The following TJP2 variants were observed in gnomAD, a reference collection of about 807,000 sequenced individuals.
TJP2 encodes the protein Friedreich ataxia region gene X104 (tight junction protein ZO-2).
In TJP2, 91 loss-of-function variants were observed where a neutral mutation model predicts 133.1. The observed-to-expected ratio is 0.68, with a 90% CI of 0.58 to 0.81. TJP2 has a LOEUF of 0.81. TJP2 is among the 40% of genes least tolerant of loss of function. TJP2 has a pLI of 0.00. For synonymous variants in TJP2, 592 were observed against 583.4 expected, an observed-to-expected ratio of 1.01 and a Z score of -0.21; for missense variants, 1,541 against 1,565.6, an observed-to-expected ratio of 0.98 and a Z score of 0.26.
At chr9:69,121,944 G>C (rs1303653279) in intron 1 of TJP2, 1 of 152,482 alleles carries the variant, frequency 6.6e-6, no homozygotes, top group Non-Finnish European at 1.5e-5. Flanking sequence ...TAAACGGGTT[G>C]ACATCCCCTA....
chr9:69,173,063 C>CATCT (rs1824776405), upstream of TJP2, among the ~76,000 whole-genome samples: 1 of 152,190 alleles, frequency 6.6e-6, no homozygotes, highest in African/African-American at 2.4e-5. Context: ...TCTGGAGAGG[C>CATCT]ATCTACTGGA....
intron 2 of TJP2, among the ~76,000 whole-genome samples, chr9:69,161,615 G>A (rs899410267): frequency 6.6e-6 from 1 of 151,974 alleles, no homozygotes; most frequent in Admixed American, 6.6e-5. Context: ...GATCAATTTA[G>A]GAATGACATA....
rs1403810631 is a variant in TJP2 at position 69,237,913 on chromosome 9, A to T, written c.2215A>T (p.Ile739Leu). The T allele has an allele frequency of 2.5e-6, 4 of 1,613,880 alleles. No homozygotes were observed. Among genetic ancestry groups the T allele is most frequent in the Admixed American group, 1.7e-5 (1 of 59,998 alleles). Residue 739 changes from isoleucine (I) to leucine (L), a missense_variant, in exon 15 of 23, where the codon ATA (isoleucine) becomes TTA (leucine). Transcript: ENST00000377245. ...GAGACCTGTGGTCTTATTCGGCCCC[A>T]TAGCTGATATAGCAATGGAAAAATT... The part of the protein sequence containing the change: ...FKRPVVLFGP[I>L]ADIAMEKLAN...
At chr9:69,186,646 G>A (rs1014770652) in intron 1 of TJP2, among the ~76,000 whole-genome samples, 3 of 152,152 alleles carry the variant, frequency 2.0e-5, no homozygotes, top group Non-Finnish European at 2.9e-5. Flanking sequence ...CTTCTTATGG[G>A]CATTGACCTA....
At chr9:69,210,036 C>T (rs538335178) in intron 1 of TJP2, among the ~76,000 whole-genome samples, 5 of 152,126 alleles carry the variant, frequency 3.3e-5, no homozygotes, top group African/African-American at 7.2e-5. Flanking sequence ...CCTGTAATCC[C>T]GGCATTTTGG....
chr9:69,244,641 A>AT (rs1830802918), intron 17 of TJP2, among the ~76,000 whole-genome samples: 1 of 152,246 alleles, frequency 6.6e-6, no homozygotes, highest in African/African-American at 2.4e-5. Context: ...GAGAAGCGGA[A>AT]TGAGAGAATC....
At chr9:69,192,791 C>T (rs1472395596) in intron 1 of TJP2, among the ~76,000 whole-genome samples, 1 of 152,034 alleles carries the variant, frequency 6.6e-6, no homozygotes, top group African/African-American at 2.4e-5. Context: ...TTATTCATTC[C>T]TCACAGTGAC....
intron 1 of TJP2, among the ~76,000 whole-genome samples, chr9:69,137,287 C>T (rs1397679392): frequency 1.1e-5 from 1 of 88,142 alleles, no homozygotes; most frequent in Non-Finnish European, 2.4e-5. Context: ...TTCTTTCTTT[C>T]TTTCTTTCTT....
chr9:69,211,628 T>C (rs1827919720), intron 1 of TJP2, among the ~76,000 whole-genome samples: 1 of 152,202 alleles, frequency 6.6e-6, no homozygotes, highest in African/African-American at 2.4e-5. Flanking sequence ...GGCATGAGTG[T>C]TTGGCAGGGT....
chr9:69,250,895 T>C (rs1831282254), intron 20 of TJP2, 140 bp from the exon 21 acceptor site: 1 of 917,638 alleles, frequency 1.1e-6, no homozygotes. Context: ...TTTGCCCTGC[T>C]GTATTACATT....
intron 2 of TJP2, among the ~76,000 whole-genome samples, chr9:69,168,254 A>G (rs1367244676): frequency 6.6e-6 from 1 of 152,176 alleles, no homozygotes; most frequent in African/African-American, 2.4e-5. Flanking sequence ...ATCTTTATAC[A>G]TCTATGATTG....
rs1482532488 is a variant in TJP2, at chr9:69,199,965, C to T, written c.61-12583C>T. Among the ~76,000 whole-genome samples the T allele has an allele frequency of 2.0e-5, 3 of 152,156 alleles. No homozygotes were observed. In the East Asian group the frequency reaches 5.8e-4, roughly 29 times the overall value. On this transcript the variant is annotated intron_variant, in intron 1 of 22. Coordinates refer to ENST00000377245, the MANE Select transcript of TJP2 (RefSeq NM_004817.4). ...TCAGGGAAAAATTGTATATTTAGTA[C>T]TGGGTGTGGTGCCCTGCCAAATGTT...
rs983270424 is a variant in TJP2, at chr9:69,225,874, C to G, written c.1057-148C>G. 1.2e-5 allele frequency: 10 copies of G among 821,856 alleles called. No individual in the cohort carries two copies. The African/African-American group carries it at 1.6e-4, about 13-fold the overall frequency. 50.9% of individuals were successfully genotyped at this position (821,856 alleles called of 1,614,324 possible). ...CATGCAGGATTATATTTAATTTAAA[C>G]GACAATTCATTTTTATTGAGTCATC... On this transcript the variant is annotated intron_variant, in intron 6 of 22. Coordinates refer to ENST00000377245, the MANE Select transcript of TJP2 (RefSeq NM_004817.4).
At chr9:69,146,098 TG>T (rs1323001619) in intron 1 of TJP2, among the ~76,000 whole-genome samples, 2 of 152,188 alleles carry the variant, frequency 1.3e-5, no homozygotes, top group East Asian at 1.9e-4. Context: ...ATTTTGAAAA[TG>T]TTTTTTTAAC....
chr9:69,224,851 A>G (rs1446809064), intron 5 of TJP2, among the ~76,000 whole-genome samples: 1 of 149,352 alleles, frequency 6.7e-6, no homozygotes, highest in African/African-American at 2.5e-5. Flanking sequence ...TTTTGGTACT[A>G]TTTAAGTAAG....
At chr9:69,130,015 C>CAAAAAAAAAAAAAAAAAGAAA (rs1822421307) in intron 1 of TJP2, among the ~76,000 whole-genome samples, 1 of 94,176 alleles carries the variant, frequency 1.1e-5, no homozygotes, top group Non-Finnish European at 2.2e-5. Context: ...AACTCTGCCT[C>CAAAAAAAAAAAAAAAAAGAAA]AAAAAAAAAA....
intron 1 of TJP2, chr9:69,205,196 TC>T: frequency 6.5e-7 from 1 of 1,537,242 alleles, no homozygotes; most frequent in South Asian, 1.2e-5. Flanking sequence ...AGGATGTGGA[TC>T]CAGGCTGTTA....
chr9:69,234,926 C>T (rs996393565), intron 12 of TJP2, among the ~76,000 whole-genome samples: 2 of 152,140 alleles, frequency 1.3e-5, no homozygotes, highest in African/African-American at 4.8e-5. Context: ...TTTCACCTTT[C>T]CAGGCCTTGT....
Position 69,227,828 on chromosome 9 carries a change from A to C in TJP2, c.1274A>C (p.Asp425Ala). 2.5e-6 allele frequency: 4 copies of C among 1,614,052 alleles called. No individual in the cohort carries two copies. Among genetic ancestry groups the C allele is most frequent in the Non-Finnish European group, 3.4e-6 (4 of 1,179,938 alleles). ...GAGGAGAGACGTCATCAGTATTCTG[A>C]TTATGATTATCATTCCTCAAGTGAG... ...SPEERRHQYS[D>A]YDYHSSSEKL... The change falls in exon 8 of 23, where the codon GAT becomes GCT. Residue 425 changes from aspartate (D) to alanine (A), a missense_variant. Physicochemically the swap from Asp to Ala is moderately radical, Grantham distance 126. Transcript: ENST00000377245.
Sources: gnomAD v4.1 joint callset for allele counts (sites outside exome capture counted in the v4.1 genomes callset) on GRCh38, gnomAD v4.1.1 for gene constraint, MANE v1.5 for transcripts, NCBI Gene and HGNC (gene_info 2026-07-23, HGNC 2026-07-21) for gene names.